Variants in DCAF6 observed in about 807,000 individuals in gnomAD.
The protein encoded by DCAF6 is DDB1- and CUL4-associated factor 6.
In DCAF6, 54 loss-of-function variants were observed where a neutral mutation model predicts 125.1. The observed-to-expected ratio is 0.43, with a 90% CI of 0.35 to 0.54. The LOEUF (loss-of-function observed/expected upper bound fraction) is 0.54. Ranked by LOEUF, DCAF6 falls within the 20% of genes least tolerant of loss-of-function variation. The pLI, the probability that DCAF6 is intolerant of heterozygous loss-of-function variation, is 0.01. For synonymous variants in DCAF6, 371 were observed against 390.4 expected (o/e 0.95, Z 0.58); for missense variants, 934 against 1,161.7 (o/e 0.80, Z 2.85).
the DCAF6 span, chr1:167,899,764 A>C: frequency 2.8e-5 from 23 of 818,170 alleles, no homozygotes; most frequent in African/African-American, 3.4e-4. Context: ...AACTTTACAT[A>C]GGAATTATGG....
intron 17 of DCAF6, 55 bp from the exon 18 acceptor site, chr1:168,063,566 A>G: frequency 1.5e-6 from 2 of 1,351,636 alleles, no homozygotes; most frequent in Non-Finnish European, 2.0e-6. Context: ...GTTTCTCATT[A>G]TTCTTTGTGA....
intron 2 of DCAF6, among the ~76,000 whole-genome samples, chr1:167,956,471 G>A (rs1674804691): frequency 6.6e-6 from 1 of 151,922 alleles, no homozygotes; most frequent in African/African-American, 2.4e-5. Flanking sequence ...GATTAGTTTG[G>A]CTAGAGGCTT....
the DCAF6 span, among the ~76,000 whole-genome samples, chr1:167,885,006 A>C: frequency 2.6e-5 from 4 of 152,040 alleles, no homozygotes; most frequent in African/African-American, 9.7e-5. Flanking sequence ...CAATAGTTTT[A>C]ATTTTTAGCT....
chr1:168,006,334 C>G (rs1027153720), intron 10 of DCAF6, among the ~76,000 whole-genome samples: 3 of 152,028 alleles, frequency 2.0e-5, no homozygotes, highest in Non-Finnish European at 4.4e-5. Context: ...TTATGCAGTA[C>G]TTTTACTCAT....
the DCAF6 span, chr1:167,903,747 A>G: frequency 5.3e-5 from 36 of 679,044 alleles, no homozygotes; most frequent in Non-Finnish European, 8.3e-5. Context: ...TCATATTTCA[A>G]AAAAGACTGG....
At chr1:167,883,642 A>C in the DCAF6 span, 3 of 1,614,108 alleles carry the variant, frequency 1.9e-6, no homozygotes, top group South Asian at 3.3e-5. Flanking sequence ...CAAAGTAGAG[A>C]GCAGCTTTCT....
intron 13 of DCAF6, among the ~76,000 whole-genome samples, chr1:168,040,829 C>G (rs914380404): frequency 7.3e-6 from 1 of 136,784 alleles, no homozygotes; most frequent in African/African-American, 2.7e-5. Context: ...TTTCTTATTT[C>G]TTTGTCAGAA....
At chr1:168,073,028 C>A (rs1466060130) in intron 21 of DCAF6, among the ~76,000 whole-genome samples, 1 of 152,038 alleles carries the variant, frequency 6.6e-6, no homozygotes, top group African/African-American at 2.4e-5. Context: ...ACAAAAAAAT[C>A]AGCCGGGTGT....
At chr1:167,914,134 T>G in the DCAF6 span, 1 of 152,232 alleles carries the variant, frequency 6.6e-6, no homozygotes, top group African/African-American at 2.4e-5. Context: ...CAGTTTTGTC[T>G]AAAAGCCGTT....
In DCAF6 at chr1:168,049,979, A is replaced by G. The variant is rs1572097463; in HGVS notation, c.2259-913A>G. ...CTGTATAATTTTTTTTTTTTTTTAC[A>G]ATGCCAAATCTGTTGTAAGTGATTT... On this transcript the variant is annotated intron_variant, in intron 16 of 21. Coordinates refer to ENST00000367840, the MANE Select transcript of DCAF6 (RefSeq NM_001198956.2). Among the ~76,000 whole-genome samples, 6 of 149,622 alleles carry G rather than the reference A, an allele frequency of 4.0e-5. 1 individual carries two copies. The South Asian group carries it at 1.3e-3, about 31-fold the overall frequency.
chr1:168,015,485 ATTTTGAAATC>A (rs144240906), intron 10 of DCAF6, among the ~76,000 whole-genome samples: 16,427 of 151,908 alleles, frequency 0.11, 990 homozygotes, highest in African/African-American at 0.16. Flanking sequence ...TTCTATGTTC[ATTTTGAAATC>A]TTTTGCTTAT....
At chr1:167,970,948 T>C (rs117626621) in intron 3 of DCAF6, among the ~76,000 whole-genome samples, 2 of 152,274 alleles carry the variant, frequency 1.3e-5, no homozygotes, top group East Asian at 3.9e-4. Context: ...TATTATGGCA[T>C]AGGTGAAAGA....
chr1:167,889,400 A>G, the DCAF6 span, among the ~76,000 whole-genome samples: 22 of 143,712 alleles, frequency 1.5e-4, no homozygotes, highest in African/African-American at 5.5e-4. Context: ...ATGTCCAACC[A>G]CCCTTGCATC....
the DCAF6 span, among the ~76,000 whole-genome samples, chr1:167,905,388 T>C: frequency 8.5e-5 from 13 of 152,298 alleles, no homozygotes; most frequent in Admixed American, 5.9e-4. Context: ...GAACAGCTGT[T>C]GCATAAGTGA....
chr1:168,003,488 A>G (rs1571892705), intron 8 of DCAF6, among the ~76,000 whole-genome samples: 1 of 152,170 alleles, frequency 6.6e-6, no homozygotes, highest in African/African-American at 2.4e-5. Context: ...ATAATGCTTT[A>G]GGGAGAGGGA....
At chr1:167,997,468 C>A (rs1681894719) in intron 7 of DCAF6, among the ~76,000 whole-genome samples, 2 of 151,960 alleles carry the variant, frequency 1.3e-5, no homozygotes, top group Admixed American at 6.6e-5. Flanking sequence ...TTCTCAGTTG[C>A]CTTTAGCCAT....
At chr1:167,960,219 A>T (rs1571674713) in intron 2 of DCAF6, among the ~76,000 whole-genome samples, 1 of 151,894 alleles carries the variant, frequency 6.6e-6, no homozygotes, top group South Asian at 2.1e-4. Context: ...CTGTTTAGTT[A>T]TCTGTTTGTC....
At chr1:167,925,357 A>G in the DCAF6 span, among the ~76,000 whole-genome samples, 1 of 150,054 alleles carries the variant, frequency 6.7e-6, no homozygotes, top group Non-Finnish European at 1.5e-5. Flanking sequence ...AAAGTTAGCC[A>G]GTAGAGTTGG....
intron 2 of DCAF6, among the ~76,000 whole-genome samples, chr1:167,962,239 C>T (rs1482374638): frequency 6.6e-6 from 1 of 151,858 alleles, no homozygotes; most frequent in Non-Finnish European, 1.5e-5. Flanking sequence ...TTAACTGTGT[C>T]CTTACTGATT....
Sources: allele counts gnomAD v4.1 joint callset (sites outside exome capture counted in the v4.1 genomes callset), GRCh38; gene constraint gnomAD v4.1.1; transcripts MANE v1.5; gene names NCBI Gene and HGNC (gene_info 2026-07-23, HGNC 2026-07-21).